Variants in DMAC2L observed in about 807,000 individuals in gnomAD.
DMAC2L encodes ATP synthase subunit s, mitochondrial.
In DMAC2L, 21 loss-of-function variants were observed where a neutral mutation model predicts 22.5. The observed-to-expected ratio is 0.93, with a 90% confidence interval of 0.66 to 1.34. The LOEUF (loss-of-function observed/expected upper bound fraction) is 1.34. Ranked by LOEUF, DMAC2L falls within the 40% of genes most tolerant of loss-of-function variation. DMAC2L has a pLI of 0.00. For synonymous variants in DMAC2L, 86 were observed against 89.5 expected, an observed-to-expected ratio of 0.96 and a Z score of 0.22; for missense variants, 239 against 246.5, an observed-to-expected ratio of 0.97 and a Z score of 0.20.
At chr14:50,325,011 T>C (rs2032605856) in intron 5 of DMAC2L, among the ~76,000 whole-genome samples, 1 of 152,192 alleles carries the variant, frequency 6.6e-6, no homozygotes, top group African/African-American at 2.4e-5. Flanking sequence ...CCTGAACTCA[T>C]GATCCGCCCG....
At position 50,323,821 on chromosome 14, in the gene DMAC2L, G is replaced by A. The variant is rs2032494421; in HGVS notation, c.317-124G>A. Reference sequence around the variant, plus strand: ...GTGAGCAGTCATTCCAGTTTTCATGGAACTAAGAGGTTTCCCAGGACATAG... The same window carrying A: ...GTGAGCAGTCATTCCAGTTTTCATGAAACTAAGAGGTTTCCCAGGACATAG... On this transcript the variant is annotated intron_variant, in intron 4 of 5. Coordinates refer to ENST00000557421, the MANE Select transcript of DMAC2L (RefSeq NM_001382507.1). 3.0e-5 allele frequency: 22 copies of A among 737,210 alleles called. No homozygotes were observed. In the South Asian group the frequency reaches 4.0e-4, roughly 13 times the overall value. 45.7% of individuals were successfully genotyped at this position (737,210 alleles called of 1,614,324 possible).
chr14:50,326,319 A>G lies in DMAC2L; in HGVS notation c.*596A>G, dbSNP rs1446339548. ...TAAATCTATAGATATCTCTTGATGT[A>G]GATATTTAGAATCCTTTAAAGTTAT... On this transcript the variant is annotated 3_prime_UTR_variant, in exon 6 of 6. Coordinates refer to ENST00000557421, the MANE Select transcript of DMAC2L (RefSeq NM_001382507.1). The G allele has an allele frequency of 1.7e-6, 1 of 591,012 alleles. No individual in the cohort carries two copies. The highest frequency in any genetic ancestry group is 2.1e-6 in the Non-Finnish European group (1 of 470,234). 36.6% of individuals were successfully genotyped at this position (591,012 alleles called of 1,614,324 possible). A position where few individuals can be genotyped will look rare whatever the true frequency, so the allele number is the denominator to read the frequency against.
At chr14:50,317,735 A>C (rs1315314661) in intron 2 of DMAC2L, among the ~76,000 whole-genome samples, 2 of 151,288 alleles carry the variant, frequency 1.3e-5, no homozygotes, top group Non-Finnish European at 2.9e-5. Context: ...ATGCCATTGC[A>C]CTCCAGTCTG....
rs923336171 is a variant in DMAC2L at position 50,324,132 on chromosome 14, C to T, written c.488+16C>T. On this transcript the variant is annotated intron_variant, in intron 5 of 5. Transcript: ENST00000557421. ...GTCATTTAAGGTAGATGATCAAAGCCAAAGTGGAAACTTGATAATGCTGTT... is the reference window on the plus strand; with the variant it reads ...GTCATTTAAGGTAGATGATCAAAGCTAAAGTGGAAACTTGATAATGCTGTT... 7 of 1,589,430 alleles carry T rather than the reference C, an allele frequency of 4.4e-6. No individual in the cohort carries two copies. The highest frequency in any genetic ancestry group is 1.1e-5 in the South Asian group (1 of 87,170).
Position 50,325,727 on chromosome 14 carries a change from A to G in DMAC2L, c.*4A>G. On this transcript the variant is annotated 3_prime_UTR_variant, in exon 6 of 6. Coordinates refer to ENST00000557421, the MANE Select transcript of DMAC2L (RefSeq NM_001382507.1). ...ACTAAAATTACAATTGAAGTAAAAT[A>G]ATGTGTCTTATTTCAGTATAAAGGA... is the stretch of plus-strand genomic sequence containing the variant. 1 of 1,607,452 alleles carries G rather than the reference A, an allele frequency of 6.2e-7. No individual in the cohort carries two copies. The highest frequency in any genetic ancestry group is 1.1e-5 in the South Asian group (1 of 90,224).
In DMAC2L at chr14:50,322,651, A is replaced by T. The variant is rs373076938; in HGVS notation, c.248A>T (p.Asp83Val). Residue 83 changes from aspartate (D) to valine (V), a missense_variant, in exon 4 of 6, where the codon GAC becomes GTC. Coordinates refer to ENST00000557421, the MANE Select transcript of DMAC2L (RefSeq NM_001382507.1). ...DYNHLPTGPL[D>V]KYKIQAIDAT... ...AACCACCTTCCAACAGGCCCTCTGG[A>T]CAAATACAAGATTCAGGCGATCGAC... is the stretch of plus-strand genomic sequence containing the variant. 6 of 1,614,026 alleles carry T rather than the reference A, an allele frequency of 3.7e-6. No homozygotes were observed. In the African/African-American group the frequency reaches 8.0e-5, roughly 22 times the overall value.
Position 50,326,186 on chromosome 14 carries a change from G to A in DMAC2L, c.*463G>A. 1 of 237,492 alleles carries A rather than the reference G, an allele frequency of 4.2e-6. No individual in the cohort carries two copies. The highest frequency in any genetic ancestry group is 6.7e-6 in the Non-Finnish European group (1 of 148,588). 14.7% of individuals were successfully genotyped at this position (237,492 alleles called of 1,614,324 possible). A position where few individuals can be genotyped will look rare whatever the true frequency, so the allele number is the denominator to read the frequency against. On this transcript the variant is annotated 3_prime_UTR_variant, in exon 6 of 6. Coordinates refer to ENST00000557421, the MANE Select transcript of DMAC2L (RefSeq NM_001382507.1). ...GGAGGTTGCAGGGACCCGAGATTGT[G>A]CCACTGCACTCCAGCCTGGGTGACA...
chr14:50,324,784 T>C (rs1343190881), intron 5 of DMAC2L: 1 of 152,290 alleles, frequency 6.6e-6, no homozygotes, highest in Non-Finnish European at 1.5e-5. Flanking sequence ...TTTGTTTGTT[T>C]GTTTTTTTGA....
chr14:50,322,596 C>T lies in DMAC2L; in HGVS notation c.193C>T (p.His65Tyr). ...GCGCTGTGGGGCCATGGTGCGCTACCATGGCCAGGAGAGGTGGCAGAAGGA... is the reference window on the plus strand; with the variant it reads ...GCGCTGTGGGGCCATGGTGCGCTACTATGGCCAGGAGAGGTGGCAGAAGGA... The part of the protein sequence containing the change: ...LLRCGAMVRY[H>Y]GQERWQKDYN... The change falls in exon 4 of 6, where the codon CAT becomes TAT. Residue 65 changes from histidine to tyrosine, a missense_variant. Coordinates refer to ENST00000557421, the MANE Select transcript of DMAC2L (RefSeq NM_001382507.1). 1 of 1,614,154 alleles carries T rather than the reference C, an allele frequency of 6.2e-7. No homozygotes were observed. The highest frequency in any genetic ancestry group is 8.5e-7 in the Non-Finnish European group (1 of 1,180,038).
At position 50,326,082 on chromosome 14, in the gene DMAC2L, T is replaced by G; in HGVS notation, c.*359T>G. The G allele has an allele frequency of 3.7e-6, 1 of 271,578 alleles. No individual in the cohort carries two copies. Among genetic ancestry groups the G allele is most frequent in the Non-Finnish European group, 5.7e-6 (1 of 175,078 alleles). The allele number at this position is 271,578 out of a possible 1,614,324, so 16.8% of individuals were successfully genotyped here. A position where few individuals can be genotyped will look rare whatever the true frequency, so the allele number is the denominator to read the frequency against. Reference sequence around the variant, plus strand: ...CCCATCTCTACTAAAAAAACAAAATTAGCTGAATGTGGTGGTGCACGCCTT... The same window carrying G: ...CCCATCTCTACTAAAAAAACAAAATGAGCTGAATGTGGTGGTGCACGCCTT... On this transcript the variant is annotated 3_prime_UTR_variant, in exon 6 of 6. Coordinates refer to ENST00000557421, the MANE Select transcript of DMAC2L (RefSeq NM_001382507.1).
rs138046694 is a variant in DMAC2L at position 50,317,682 on chromosome 14, A to G, written c.-6+3056A>G. 8.8e-3 allele frequency among the ~76,000 whole-genome samples: 1,338 copies of G among 152,170 alleles called. 15 individuals are homozygous for G. Among genetic ancestry groups the G allele is most frequent in the Non-Finnish European group, 0.014 (937 of 68,000 alleles). ...CTACTTGGAAGGCTGAGGCAGGACA[A>G]TCGCTTGAACCCAGGAGGCAGAGGT... On this transcript the variant is annotated intron_variant, in intron 2 of 5. Coordinates refer to ENST00000557421, the MANE Select transcript of DMAC2L (RefSeq NM_001382507.1).
intron 2 of DMAC2L, among the ~76,000 whole-genome samples, chr14:50,320,609 C>CT (rs542534926): frequency 5.9e-4 from 90 of 152,264 alleles, no homozygotes; most frequent in Admixed American, 1.2e-3. Context: ...CCTTTCTGTC[C>CT]TTATTTTAAC....
At chr14:50,322,916 T>C in intron 4 of DMAC2L, 197 bp downstream of exon 4, 1 of 1,434,520 alleles carries the variant, frequency 7.0e-7, no homozygotes, top group Non-Finnish European at 9.1e-7. Context: ...CTTCCTCCTC[T>C]CACTAAGCTT....
rs1283086532 is a variant in DMAC2L, at chr14:50,326,521, T to G, written c.*798T>G. The G allele has an allele frequency of 1.0e-6, 1 of 985,312 alleles. No homozygotes were observed. The highest frequency in any genetic ancestry group is 1.2e-6 in the Non-Finnish European group (1 of 829,920). The allele number at this position is 985,312 out of a possible 1,614,324, so 61.0% of individuals were successfully genotyped here. On this transcript the variant is annotated 3_prime_UTR_variant, in exon 6 of 6. Coordinates refer to ENST00000557421, the MANE Select transcript of DMAC2L (RefSeq NM_001382507.1). ...TGAAGCATGCATTGCTTCAACAGGA[T>G]TTGCGTGCATTTCCCATGATCCTGC...
rs1446744950 is a variant in DMAC2L, at chr14:50,326,236, AAAAAAAG to A, written c.*519_*525del. The A allele has an allele frequency of 2.4e-6, 1 of 422,660 alleles. No individual in the cohort carries two copies. 26.2% of individuals were successfully genotyped at this position (422,660 alleles called of 1,614,324 possible). A position where few individuals can be genotyped will look rare whatever the true frequency, so the allele number is the denominator to read the frequency against. On this transcript the variant is annotated 3_prime_UTR_variant, in exon 6 of 6. Coordinates refer to ENST00000557421, the MANE Select transcript of DMAC2L (RefSeq NM_001382507.1). ...AGAGCGAGACTGTCTCAAAAAAAAAAAAAAAAGAAAAATGTAAACTAGGTAACATTTT... is the reference window on the plus strand; with the variant it reads ...AGAGCGAGACTGTCTCAAAAAAAAAAAAAAATGTAAACTAGGTAACATTTT...
intron 2 of DMAC2L, among the ~76,000 whole-genome samples, chr14:50,319,817 G>A (rs1423191308): frequency 6.6e-6 from 1 of 152,106 alleles, no homozygotes; most frequent in African/African-American, 2.4e-5. Context: ...TTCTTTTAAT[G>A]GCATCACCAT....
At chr14:50,313,838 T>C (rs1324711884) in intron 1 of DMAC2L, among the ~76,000 whole-genome samples, 1 of 152,188 alleles carries the variant, frequency 6.6e-6, no homozygotes, top group Non-Finnish European at 1.5e-5. Flanking sequence ...ACAGCCCAGG[T>C]CCATCACCAC....
chr14:50,326,491 G>A lies in DMAC2L; in HGVS notation c.*768G>A. On this transcript the variant is annotated 3_prime_UTR_variant, in exon 6 of 6. Coordinates refer to ENST00000557421, the MANE Select transcript of DMAC2L (RefSeq NM_001382507.1). Reference sequence around the variant, plus strand: ...AGTCAATTATGCAAAGTGGTCAGTGGTTGTTGAAGCATGCATTGCTTCAAC... The same window carrying A: ...AGTCAATTATGCAAAGTGGTCAGTGATTGTTGAAGCATGCATTGCTTCAAC... The A allele has an allele frequency of 1.0e-6, 1 of 985,356 alleles. No homozygotes were observed. Among genetic ancestry groups the A allele is most frequent in the Non-Finnish European group, 1.2e-6 (1 of 829,890 alleles). 61.0% of individuals were successfully genotyped at this position (985,356 alleles called of 1,614,324 possible). A position where few individuals can be genotyped will look rare whatever the true frequency, so the allele number is the denominator to read the frequency against.
intron 2 of DMAC2L, chr14:50,319,148 G>T (rs2032057989): frequency 6.6e-7 from 1 of 1,521,966 alleles, no homozygotes; most frequent in Non-Finnish European, 8.8e-7. Flanking sequence ...GCCCATATTT[G>T]TAAATAAGAT....
Sources: allele counts gnomAD v4.1 joint callset (sites outside exome capture counted in the v4.1 genomes callset), GRCh38; gene constraint gnomAD v4.1.1; transcripts MANE v1.5; gene names NCBI Gene and HGNC (gene_info 2026-07-23, HGNC 2026-07-21).